Variants in RORA observed in about 807,000 individuals in gnomAD.
RORA encodes nuclear receptor ROR-alpha.
In RORA, 7 loss-of-function variants were observed where a neutral mutation model predicts 69.5. The ratio of observed to expected loss-of-function variants is 0.10; its 90% CI spans 0.06 to 0.19. RORA has a LOEUF of 0.19. Ranked by LOEUF, RORA falls within the 10% of genes least tolerant of loss-of-function variation. The pLI is 1.00. For synonymous variants in RORA, 261 were observed against 240.8 expected (o/e 1.08, Z -0.78); for missense variants, 457 against 663.0 (o/e 0.69, Z 3.41).
chr15:61,217,345 T>G (rs546227547), intron 1 of RORA, among the ~76,000 whole-genome samples: 2 of 152,256 alleles, frequency 1.3e-5, no homozygotes, highest in South Asian at 4.2e-4. Flanking sequence ...CCCATATGAC[T>G]GACTGCTGTA....
At chr15:61,122,220 C>T (rs1301816451) in intron 1 of RORA, among the ~76,000 whole-genome samples, 2 of 152,176 alleles carry the variant, frequency 1.3e-5, no homozygotes, top group Non-Finnish European at 1.5e-5. Flanking sequence ...CATTATTCCA[C>T]ATTATTTCTT....
intron 1 of RORA, among the ~76,000 whole-genome samples, chr15:60,894,667 T>C (rs547459742): frequency 2.6e-5 from 4 of 152,324 alleles, no homozygotes; most frequent in African/African-American, 9.6e-5. Context: ...GCTCCCTCCC[T>C]AGACTTTCGG....
chr15:60,507,883 G>C (rs191418571), intron 5 of RORA, among the ~76,000 whole-genome samples: 87 of 152,212 alleles, frequency 5.7e-4, no homozygotes, highest in Middle Eastern at 3.4e-3. Flanking sequence ...AGCATCTTGT[G>C]GTTTCACTTT....
intron 1 of RORA, among the ~76,000 whole-genome samples, chr15:60,992,440 A>C (rs1302135354): frequency 6.6e-6 from 1 of 152,204 alleles, no homozygotes; most frequent in East Asian, 1.9e-4. Context: ...TTGCCCTTAC[A>C]ACCCATGTAG....
chr15:60,788,114 G>A (rs988159985), intron 1 of RORA, among the ~76,000 whole-genome samples: 1 of 152,208 alleles, frequency 6.6e-6, no homozygotes, highest in African/African-American at 2.4e-5. Context: ...AAGAAGCTTC[G>A]GTGGGGATGT....
intron 1 of RORA, among the ~76,000 whole-genome samples, chr15:61,155,008 T>TA (rs2079430423): frequency 8.1e-6 from 1 of 122,744 alleles, no homozygotes; most frequent in Non-Finnish European, 2.0e-5. Context: ...ACAGGACAAA[T>TA]ACATTGTGGA....
chr15:60,690,785 A>G (rs973089915), intron 1 of RORA, among the ~76,000 whole-genome samples: 9 of 152,196 alleles, frequency 5.9e-5, no homozygotes, highest in African/African-American at 2.2e-4. Context: ...GTAGCACCCT[A>G]CACAGGAGTG....
At chr15:60,650,453 G>A (rs963255606) in intron 2 of RORA, among the ~76,000 whole-genome samples, 3 of 152,178 alleles carry the variant, frequency 2.0e-5, no homozygotes, top group Non-Finnish European at 4.4e-5. Context: ...CCCCAGAGTG[G>A]GGGAGGGGAA....
chr15:60,937,995 G>A (rs935347150), intron 1 of RORA, among the ~76,000 whole-genome samples: 1 of 152,146 alleles, frequency 6.6e-6, no homozygotes, highest in African/African-American at 2.4e-5. Flanking sequence ...GCAATTGCTG[G>A]TGAGGAAGAG....
At chr15:61,110,044 A>T (rs972799425) in intron 1 of RORA, among the ~76,000 whole-genome samples, 1 of 111,140 alleles carries the variant, frequency 9.0e-6, no homozygotes, top group Non-Finnish European at 1.8e-5. Flanking sequence ...CAATGAGTTA[A>T]TCACACATTT....
intron 1 of RORA, among the ~76,000 whole-genome samples, chr15:60,771,209 GT>G (rs199724452): frequency 0.025 from 3,705 of 149,344 alleles, 160 homozygotes; most frequent in African/African-American, 0.087. Context: ...ATTCCACTGA[GT>G]TTGAGTTACT....
chr15:60,660,821 T>C (rs1401233585), intron 2 of RORA, among the ~76,000 whole-genome samples: 1 of 152,208 alleles, frequency 6.6e-6, no homozygotes, highest in African/African-American at 2.4e-5. Flanking sequence ...GATCTCAAGA[T>C]GTCAGAGTGG....
At chr15:60,855,014 G>A (rs114144791) in intron 1 of RORA, among the ~76,000 whole-genome samples, 2,523 of 152,256 alleles carry the variant, frequency 0.017, 66 homozygotes, top group African/African-American at 0.058. Context: ...TTTGAGCATC[G>A]CACAGTAACT....
chr15:60,929,019 T>C (rs1449126599), intron 1 of RORA, among the ~76,000 whole-genome samples: 1 of 152,160 alleles, frequency 6.6e-6, no homozygotes, highest in Non-Finnish European at 1.5e-5. Flanking sequence ...CACACTTGTG[T>C]GCCCCGCTCC....
At chr15:60,850,059 A>G (rs1567213354) in intron 1 of RORA, among the ~76,000 whole-genome samples, 1 of 152,176 alleles carries the variant, frequency 6.6e-6, no homozygotes, top group Admixed American at 6.5e-5. Context: ...GGTCATTTTA[A>G]CAAGCATGGC....
At chr15:60,824,162 G>C (rs570959968) in intron 1 of RORA, among the ~76,000 whole-genome samples, 94 of 152,154 alleles carry the variant, frequency 6.2e-4, no homozygotes, top group Non-Finnish European at 1.3e-3. Flanking sequence ...TGCATGAGGA[G>C]AGCACACTAT....
At chr15:60,499,829 G>A in intron 10 of RORA, 63 bp downstream of exon 10, 1 of 860,776 alleles carries the variant, frequency 1.2e-6, no homozygotes, top group Non-Finnish European at 1.9e-6. Flanking sequence ...TGACCATATT[G>A]GCAGCATGAT....
chr15:61,080,560 G>C (rs7177611), intron 1 of RORA, among the ~76,000 whole-genome samples: 1 of 151,958 alleles, frequency 6.6e-6, no homozygotes, highest in Non-Finnish European at 1.5e-5. Flanking sequence ...GCTCAAATGC[G>C]GCATCAAATT....
intron 1 of RORA, among the ~76,000 whole-genome samples, chr15:60,726,929 T>A (rs997871478): frequency 2.6e-5 from 4 of 152,166 alleles, no homozygotes; most frequent in Admixed American, 6.5e-5. Context: ...GAACACTAAT[T>A]ATACTACAGA....
Sources: gnomAD v4.1 joint callset for allele counts (sites outside exome capture counted in the v4.1 genomes callset) on GRCh38, gnomAD v4.1.1 for gene constraint, MANE v1.5 for transcripts, NCBI Gene and HGNC (gene_info 2026-07-23, HGNC 2026-07-21) for gene names.